The following OSBPL5 variants were observed in gnomAD, a reference collection of about 807,000 sequenced individuals.
OSBPL5 encodes oxysterol-binding protein-related protein 5.
In OSBPL5, 71 loss-of-function variants were observed where a neutral mutation model predicts 111.2. That is an observed-to-expected ratio of 0.64 (90% CI 0.53 to 0.78). OSBPL5 has a LOEUF of 0.78. Among genes scored for constraint, OSBPL5 ranks in the 30% least tolerant of loss-of-function variants. OSBPL5 has a pLI of 0.00. For missense variants in OSBPL5, 1,210 were observed against 1,189.3 expected (o/e 1.02, Z -0.26); for synonymous variants, 549 against 513.9 (o/e 1.07, Z -0.93).
intron 1 of OSBPL5, among the ~76,000 whole-genome samples, chr11:3,164,932 GC>G (rs1052307046): frequency 4.0e-5 from 6 of 150,768 alleles, no homozygotes; most frequent in Non-Finnish European, 5.9e-5. Flanking sequence ...CCACTCGCGG[GC>G]CCCACCCGCC....
At chr11:3,131,881 C>CCACCCTCCCTCCCTTT (rs1845814288) in intron 1 of OSBPL5, among the ~76,000 whole-genome samples, 1 of 144,294 alleles carries the variant, frequency 6.9e-6, no homozygotes, top group African/African-American at 2.6e-5. Context: ...ATCCATCCAC[C>CCACCCTCCCTCCCTTT]CATCCACCCA....
intron 19 of OSBPL5, 129 bp from the exon 20 acceptor site, chr11:3,090,825 G>T: frequency 1.6e-6 from 2 of 1,251,914 alleles, no homozygotes; most frequent in Non-Finnish European, 2.2e-6. Context: ...CAGCTGCTGG[G>T]CTGTGGAGCT....
intron 1 of OSBPL5, among the ~76,000 whole-genome samples, chr11:3,143,495 C>T (rs1846214295): frequency 6.6e-6 from 1 of 152,206 alleles, no homozygotes; most frequent in Non-Finnish European, 1.5e-5. Context: ...CACATCTGTG[C>T]AACGGATGGA....
chr11:3,112,043 G>A (rs574519622), intron 7 of OSBPL5, among the ~76,000 whole-genome samples: 26 of 76,402 alleles, frequency 3.4e-4, no homozygotes, highest in East Asian at 3.1e-3. Context: ...GTATGTGTGC[G>A]CGCATGTGTG....
Position 3,120,414 on chromosome 11 carries a change from G to T in OSBPL5, c.606+7C>A, listed in dbSNP as rs562342528. ...CCTCTGTCTTCAACCCCACCCCTCCGCAGCACCTTCACGGCCCAGACGGAC... is the reference window on the plus strand; with the variant it reads ...CCTCTGTCTTCAACCCCACCCCTCCTCAGCACCTTCACGGCCCAGACGGAC... On this transcript the variant is annotated splice_region_variant and intron_variant, in intron 6 of 21. Transcript: ENST00000263650. 1 of 1,610,908 alleles carries T rather than the reference G, an allele frequency of 6.2e-7. No homozygotes were observed. The highest frequency in any genetic ancestry group is 1.7e-5 in the Admixed American group (1 of 59,642).
chr11:3,132,256 G>A (rs537262203), intron 1 of OSBPL5, among the ~76,000 whole-genome samples: 1 of 152,148 alleles, frequency 6.6e-6, no homozygotes, highest in East Asian at 1.9e-4. Flanking sequence ...CACTCTGTGT[G>A]CCAACAACCC....
chr11:3,098,519 T>G (rs2134399622), intron 14 of OSBPL5, among the ~76,000 whole-genome samples: 1 of 146,446 alleles, frequency 6.8e-6, no homozygotes, highest in South Asian at 2.2e-4. Flanking sequence ...TTTTTTTTTT[T>G]TTGGAGATGG....
rs961636223 is a variant in OSBPL5, at chr11:3,122,602, G to A, written c.220-174C>T. ...CCAGCACTTCCGGGGCTGCCATGGG[G>A]GGATGGAAGAACAAGGGTGGCTGAC... On this transcript the variant is annotated intron_variant, in intron 3 of 21. Coordinates refer to ENST00000263650, the MANE Select transcript of OSBPL5 (RefSeq NM_020896.4). Among the ~76,000 whole-genome samples the A allele has an allele frequency of 3.9e-5, 6 of 152,168 alleles. No homozygotes were observed. The South Asian group carries it at 1.2e-3, about 31-fold the overall frequency.
chr11:3,093,274 TG>T, intron 17 of OSBPL5: 1 of 741,076 alleles, frequency 1.3e-6, no homozygotes, highest in Non-Finnish European at 2.1e-6. Flanking sequence ...GGGACCTCCC[TG>T]TGCACCTGTT....
At chr11:3,123,775 T>C (rs1290339124) in intron 3 of OSBPL5, among the ~76,000 whole-genome samples, 1 of 152,224 alleles carries the variant, frequency 6.6e-6, no homozygotes, top group Non-Finnish European at 1.5e-5. Context: ...GGGTGCTGCC[T>C]GTATTCATCC....
intron 1 of OSBPL5, among the ~76,000 whole-genome samples, chr11:3,152,911 C>T (rs151042203): frequency 1.8e-4 from 27 of 152,296 alleles, no homozygotes; most frequent in Admixed American, 3.9e-4. Context: ...GTCCTCCTGC[C>T]GCGTCCGTCC....
rs199717049 is a variant in OSBPL5 at position 3,093,512 on chromosome 11, G to A, written c.1946+15C>T. ...GCTGTGGTCAGCAGGGTCCCTGGGC[G>A]CTGACAGGCCTCACCTCTCGGACTC... On this transcript the variant is annotated intron_variant, in intron 17 of 21. Transcript: ENST00000263650. The A allele has an allele frequency of 2.1e-4, 331 of 1,603,986 alleles. 1 individual carries two copies. The highest frequency in any genetic ancestry group is 6.3e-4 in the African/African-American group (47 of 75,008).
At position 3,162,997 on chromosome 11, in the gene OSBPL5, G is replaced by A. The variant is rs926393706; in HGVS notation, c.-22+2219C>T. ...ACCTGGCCCTTGGACTCCACAAGGG[G>A]AGCTGCACCTAACGGCTCCCTCCCC... On this transcript the variant is annotated intron_variant, in intron 1 of 21. Transcript: ENST00000263650. The surrounding 1 kb of genome is among the most constrained non-coding windows in gnomAD (Gnocchi z 8.1). Among the ~76,000 whole-genome samples, 1 of 152,068 alleles carries A rather than the reference G, an allele frequency of 6.6e-6. No homozygotes were observed. Among genetic ancestry groups the A allele is most frequent in the African/African-American group, 2.4e-5 (1 of 41,400 alleles).
At chr11:3,123,227 G>A (rs541677080) in intron 3 of OSBPL5, among the ~76,000 whole-genome samples, 33 of 152,316 alleles carry the variant, frequency 2.2e-4, no homozygotes, top group East Asian at 1.4e-3. Context: ...GGTAGGGGGC[G>A]AGTTGGGACA....
intron 1 of OSBPL5, among the ~76,000 whole-genome samples, chr11:3,157,249 G>GC (rs1319778344): frequency 5.9e-5 from 9 of 152,228 alleles, no homozygotes; most frequent in African/African-American, 2.2e-4. Context: ...GCCTTGCGGG[G>GC]CCCAGATCTA....
chr11:3,100,354 T>G (rs1478824707), intron 13 of OSBPL5, 98 bp from the exon 14 acceptor site: 1 of 995,826 alleles, frequency 1.0e-6, no homozygotes, highest in Non-Finnish European at 1.5e-6. Context: ...TTCCAACAGC[T>G]GAACACGCTC....
At chr11:3,156,426 G>A (rs912664916) in intron 1 of OSBPL5, among the ~76,000 whole-genome samples, 1 of 152,186 alleles carries the variant, frequency 6.6e-6, no homozygotes, top group Admixed American at 6.5e-5. Context: ...GGATGTGAGC[G>A]GAAGTCAGTG....
chr11:3,136,488 C>T (rs925887209), intron 1 of OSBPL5, among the ~76,000 whole-genome samples: 7 of 152,248 alleles, frequency 4.6e-5, no homozygotes, highest in East Asian at 1.9e-4. Flanking sequence ...GGACTCATTC[C>T]GCATCCTTCC....
intron 15 of OSBPL5, 31 bp from the exon 16 acceptor site, chr11:3,093,866 T>C (rs1355163268): frequency 6.3e-7 from 1 of 1,597,108 alleles, no homozygotes; most frequent in Non-Finnish European, 8.5e-7. Context: ...CAGAGCCCAG[T>C]GAGCGGGGGC....
Sources: allele counts gnomAD v4.1 joint callset (sites outside exome capture counted in the v4.1 genomes callset), GRCh38; gene constraint gnomAD v4.1.1; non-coding constraint Gnocchi (gnomAD v3.1); transcripts MANE v1.5; gene names NCBI Gene and HGNC (gene_info 2026-07-23, HGNC 2026-07-21).